The following MBTD1 variants were observed in gnomAD, a reference collection of about 807,000 sequenced individuals.
MBTD1 encodes MBT domain-containing protein 1.
In MBTD1, 24 loss-of-function variants were observed where a neutral mutation model predicts 87.8. The ratio of observed to expected loss-of-function variants is 0.27; its 90% CI spans 0.20 to 0.38. MBTD1 has a LOEUF of 0.38. Ranked by LOEUF, MBTD1 falls within the 10% of genes least tolerant of loss-of-function variation. The pLI is 1.00. For synonymous variants in MBTD1, 237 were observed against 248.6 expected, an observed-to-expected ratio of 0.95 and a Z score of 0.44; for missense variants, 436 against 760.2, an observed-to-expected ratio of 0.57 and a Z score of 5.02.
intron 2 of MBTD1, among the ~76,000 whole-genome samples, chr17:51,247,419 T>C (rs1231750758): frequency 6.6e-6 from 1 of 150,772 alleles, no homozygotes; most frequent in Non-Finnish European, 1.5e-5. Flanking sequence ...GCTATCTTGA[T>C]CAGGCTAAGA....
At chr17:51,225,770 C>G (rs1269899425) in intron 2 of MBTD1, among the ~76,000 whole-genome samples, 1 of 130,748 alleles carries the variant, frequency 7.6e-6, no homozygotes, top group Non-Finnish European at 1.6e-5. Context: ...GTGGCTCATG[C>G]CTATATTCCT....
intron 2 of MBTD1, among the ~76,000 whole-genome samples, chr17:51,228,499 A>AG (rs2053362682): frequency 6.6e-6 from 1 of 151,700 alleles, no homozygotes; most frequent in Non-Finnish European, 1.5e-5. Context: ...CGAAAAAAAA[A>AG]AAAAAACAAG....
At chr17:51,260,173 C>G (rs980879626), upstream of MBTD1, 1 of 384,134 alleles carries the variant, frequency 2.6e-6, no homozygotes, top group African/African-American at 2.1e-5. Flanking sequence ...ACTCCAAGGA[C>G]CGTACCAAGA....
At chr17:51,190,123 T>C (rs765056039) in intron 16 of MBTD1, among the ~76,000 whole-genome samples, 8 of 152,222 alleles carry the variant, frequency 5.3e-5, no homozygotes, top group Non-Finnish European at 7.3e-5. Flanking sequence ...TCAGAAAGGT[T>C]AGAACAGAGT....
At chr17:51,207,503 A>G (rs996095020) in intron 6 of MBTD1, among the ~76,000 whole-genome samples, 6 of 152,230 alleles carry the variant, frequency 3.9e-5, no homozygotes, top group African/African-American at 1.4e-4. Context: ...TAGTCCACAT[A>G]GATGGACGTG....
chr17:51,260,164 C>A, upstream of MBTD1: 1 of 377,256 alleles, frequency 2.7e-6, no homozygotes, highest in South Asian at 7.0e-5. Flanking sequence ...AGGCTCCGTA[C>A]TCCAAGGACC....
intron 2 of MBTD1, among the ~76,000 whole-genome samples, chr17:51,234,218 C>A (rs1342222381): frequency 6.6e-6 from 1 of 151,590 alleles, no homozygotes; most frequent in African/African-American, 2.4e-5. Flanking sequence ...TGTAGCAAAA[C>A]CCCATCTCTA....
chr17:51,240,920 A>C (rs2054128368), intron 2 of MBTD1, among the ~76,000 whole-genome samples: 1 of 152,062 alleles, frequency 6.6e-6, no homozygotes, highest in African/African-American at 2.4e-5. Context: ...TTGATGCTAT[A>C]ATTTTCAAGG....
chr17:51,214,839 G>A (rs1344473648), intron 6 of MBTD1, among the ~76,000 whole-genome samples: 1 of 152,128 alleles, frequency 6.6e-6, no homozygotes, highest in African/African-American at 2.4e-5. Context: ...AGACTTTGAT[G>A]ATACAAGGCA....
chr17:51,242,357 TAAC>T (rs2054205565), intron 2 of MBTD1, among the ~76,000 whole-genome samples: 1 of 152,234 alleles, frequency 6.6e-6, no homozygotes. Context: ...TGCTGGCTCT[TAAC>T]AAAACCTATC....
intron 2 of MBTD1, among the ~76,000 whole-genome samples, chr17:51,225,543 G>A (rs1277058764): frequency 6.6e-6 from 1 of 150,680 alleles, no homozygotes; most frequent in Non-Finnish European, 1.5e-5. Context: ...TTTTTGTAGA[G>A]ATGGGGTTCT....
intron 13 of MBTD1, among the ~76,000 whole-genome samples, chr17:51,194,903 A>G (rs2051011411): frequency 6.6e-6 from 1 of 152,148 alleles, no homozygotes; most frequent in Admixed American, 6.6e-5. Flanking sequence ...TGGGAAAAAA[A>G]GAAAAAAATC....
intron 6 of MBTD1, among the ~76,000 whole-genome samples, chr17:51,215,883 A>AG (rs1466850831): frequency 2.7e-5 from 4 of 150,882 alleles, no homozygotes; most frequent in African/African-American, 9.9e-5. Context: ...CAGGAACCTA[A>AG]GCTCAGCTTT....
chr17:51,217,489 ATG>A (rs2052635226), intron 5 of MBTD1, 73 bp from the exon 6 acceptor site: 1 of 710,230 alleles, frequency 1.4e-6, no homozygotes, highest in Admixed American at 3.4e-5. Context: ...CATTGTTAAA[ATG>A]TGTGAAAGGA....
intron 16 of MBTD1, among the ~76,000 whole-genome samples, chr17:51,187,595 A>C (rs552857260): frequency 1.3e-5 from 2 of 152,042 alleles, no homozygotes; most frequent in Admixed American, 6.6e-5. Context: ...CACACCTATG[A>C]TCCCAGCACT....
intron 16 of MBTD1, among the ~76,000 whole-genome samples, chr17:51,181,046 G>A (rs895879246): frequency 6.2e-5 from 8 of 129,450 alleles, no homozygotes; most frequent in Non-Finnish European, 9.5e-5. Flanking sequence ...TTTTTGAGAT[G>A]GAGTCTCACT....
intron 2 of MBTD1, among the ~76,000 whole-genome samples, chr17:51,237,013 T>C (rs921979787): frequency 6.6e-6 from 1 of 151,596 alleles, no homozygotes; most frequent in South Asian, 2.1e-4. Flanking sequence ...GGAAAAAAAA[T>C]TCGGCCAGGC....
At chr17:51,191,583 ATT>A (rs11300283) in intron 16 of MBTD1, 122 of 139,498 alleles carry the variant, frequency 8.7e-4, no homozygotes, top group Non-Finnish European at 9.1e-4. Context: ...GCATCTGCTA[ATT>A]TTTTTTTTTT....
At chr17:51,197,128 G>A (rs2051180428) in intron 12 of MBTD1, among the ~76,000 whole-genome samples, 2 of 85,738 alleles carry the variant, frequency 2.3e-5, no homozygotes, top group African/African-American at 5.2e-5. Context: ...GGAGGACGGA[G>A]TCTTGCTTTG....
Sources: gnomAD v4.1 joint callset for allele counts (sites outside exome capture counted in the v4.1 genomes callset) on GRCh38, gnomAD v4.1.1 for gene constraint, MANE v1.5 for transcripts, NCBI Gene and HGNC (gene_info 2026-07-23, HGNC 2026-07-21) for gene names.